Variants in PCDHGA7 observed in about 807,000 individuals in gnomAD.
PCDHGA7 encodes the protein protocadherin gamma-A7.
In PCDHGA7, 44 loss-of-function variants were observed where a neutral mutation model predicts 58.3. The observed-to-expected ratio is 0.75, with a 90% CI of 0.59 to 0.97. The LOEUF (loss-of-function observed/expected upper bound fraction) is 0.97. Among genes scored for constraint, PCDHGA7 ranks in the 50% least tolerant of loss-of-function variants. The probability of loss-of-function intolerance (pLI) is 0.00; values close to 1 mark genes in which losing one functional copy is unlikely to be tolerated. For missense variants in PCDHGA7, 1,266 were observed against 1,188.7 expected, an observed-to-expected ratio of 1.06 and a Z score of -0.96; for synonymous variants, 516 against 504.2, an observed-to-expected ratio of 1.02 and a Z score of -0.31.
chr5:141,431,163 A>G lies in PCDHGA7; in HGVS notation c.2424+45840A>G. On this transcript the variant is annotated intron_variant, in intron 1 of 3. Transcript: ENST00000518325. This position sits in a 1 kb window ranked among gnomAD's most constrained non-coding sequence, Gnocchi z 4.8. ...AACGACAATGCGCCTTACTTTCGTG[A>G]AAGTGAATTAGAAATAAAAATTAGT... 1 of 1,614,246 alleles carries G rather than the reference A, an allele frequency of 6.2e-7. No individual in the cohort carries two copies. Among genetic ancestry groups the G allele is most frequent in the Non-Finnish European group, 8.5e-7 (1 of 1,180,036 alleles).
intron 1 of PCDHGA7, 91 bp from the exon 2 acceptor site, chr5:141,494,716 C>T (rs1448674271): frequency 3.7e-6 from 6 of 1,604,970 alleles, no homozygotes; most frequent in East Asian, 4.5e-5. Flanking sequence ...TGCCCACTCC[C>T]CTCCTTCTCT....
At chr5:141,430,888 T>C (rs1447560622) in intron 1 of PCDHGA7, 5 of 1,605,402 alleles carry the variant, frequency 3.1e-6, no homozygotes, top group Admixed American at 1.7e-5. Context: ...AGAAAGGCTC[T>C]AGGGTGGGCG....
chr5:141,409,220 G>A (rs1327857530), intron 1 of PCDHGA7: 1 of 1,613,988 alleles, frequency 6.2e-7, no homozygotes, highest in Non-Finnish European at 8.5e-7. Context: ...AATCCTTGAT[G>A]AAAACGACAA....
In PCDHGA7 at chr5:141,511,358, G is replaced by GT; in HGVS notation, c.*187dup. 1 of 1,355,398 alleles carries GT rather than the reference G, an allele frequency of 7.4e-7. No homozygotes were observed. Among genetic ancestry groups the GT allele is most frequent in the South Asian group, 1.5e-5 (1 of 66,198 alleles). 84.0% of individuals were successfully genotyped at this position (1,355,398 alleles called of 1,614,324 possible). On this transcript the variant is annotated 3_prime_UTR_variant, in exon 4 of 4. Transcript: ENST00000518325. ...GCACCTACCCCTTCCCCCCCAGGGG[G>GT]TTGAATATGCAAAAGCAGTTCCGCT...
At chr5:141,402,162 A>T (rs2150923142) in intron 1 of PCDHGA7, among the ~76,000 whole-genome samples, 1 of 152,306 alleles carries the variant, frequency 6.6e-6, no homozygotes, top group East Asian at 1.9e-4. Context: ...TTAGGCGAGA[A>T]CATCTGTAAC....
At chr5:141,394,982 C>T (rs754667421) in intron 1 of PCDHGA7, 16 of 1,613,866 alleles carry the variant, frequency 9.9e-6, no homozygotes, top group Non-Finnish European at 1.3e-5. Context: ...ACAAGTCACG[C>T]CTGCTCCAGG....
At chr5:141,478,488 G>A in intron 1 of PCDHGA7, 1 of 1,613,320 alleles carries the variant, frequency 6.2e-7, no homozygotes, top group Non-Finnish European at 8.5e-7. Context: ...ACGCTGCGGA[G>A]CTGTGATCCG....
intron 1 of PCDHGA7, among the ~76,000 whole-genome samples, chr5:141,407,290 G>A (rs1025830566): frequency 3.3e-5 from 5 of 152,154 alleles, no homozygotes; most frequent in African/African-American, 1.2e-4. Context: ...TACAATTTCT[G>A]TTCTGAGGAG....
At position 141,477,577 on chromosome 5, in the gene PCDHGA7, G is replaced by T; in HGVS notation, c.2425-17230G>T. Reference sequence around the variant, plus strand: ...TAAGTGTCTGGGACCCCGACGCCCCGCAGAATGCTCGGCTTTCTTTCTTTC... The same window carrying T: ...TAAGTGTCTGGGACCCCGACGCCCCTCAGAATGCTCGGCTTTCTTTCTTTC... On this transcript the variant is annotated intron_variant, in intron 1 of 3. Transcript: ENST00000518325. The surrounding 1 kb of genome is among the most constrained non-coding windows in gnomAD (Gnocchi z 4.9). 1.2e-6 allele frequency: 2 copies of T among 1,614,124 alleles called. No homozygotes were observed. Among genetic ancestry groups the T allele is most frequent in the Non-Finnish European group, 1.7e-6 (2 of 1,180,020 alleles).
intron 1 of PCDHGA7, among the ~76,000 whole-genome samples, chr5:141,482,179 G>A (rs1398839482): frequency 6.6e-6 from 1 of 152,040 alleles, no homozygotes; most frequent in Non-Finnish European, 1.5e-5. Flanking sequence ...AAGGCTTTAC[G>A]ATGCTCCAGT....
intron 1 of PCDHGA7, among the ~76,000 whole-genome samples, chr5:141,452,476 C>T (rs968627914): frequency 6.6e-6 from 1 of 152,216 alleles, no homozygotes; most frequent in Admixed American, 6.5e-5. Context: ...AGGAAAAACA[C>T]ACATAAACAC....
At chr5:141,501,290 T>TACACACACAC (rs55762287) in intron 2 of PCDHGA7, among the ~76,000 whole-genome samples, 12 of 136,162 alleles carry the variant, frequency 8.8e-5, no homozygotes, top group Admixed American at 4.7e-4. Context: ...TATTCCCTTA[T>TACACACACAC]ACACACACAC....
chr5:141,454,142 C>T (rs2098782408), intron 1 of PCDHGA7, among the ~76,000 whole-genome samples: 1 of 152,222 alleles, frequency 6.6e-6, no homozygotes, highest in Non-Finnish European at 1.5e-5. Context: ...GGAATGTTCA[C>T]ACTGCTACTT....
At chr5:141,408,929 A>G in intron 1 of PCDHGA7, 1 of 1,613,518 alleles carries the variant, frequency 6.2e-7, no homozygotes, top group Non-Finnish European at 8.5e-7. Context: ...CCCGGTTTTC[A>G]GCAGAGACGA....
At chr5:141,427,733 C>T (rs2097062553) in intron 1 of PCDHGA7, 2 of 1,200,562 alleles carry the variant, frequency 1.7e-6, no homozygotes, top group East Asian at 4.7e-5. Context: ...GGCTGAATGG[C>T]CAAGTCTCCT....
chr5:141,383,695 G>T lies in PCDHGA7; in HGVS notation c.796G>T (p.Ala266Ser), dbSNP rs373055594. Residue 266 changes from alanine (A) to serine (S), a missense_variant, in exon 1 of 4, where the codon GCT becomes TCT. By Grantham distance (99) the Ala-to-Ser change is moderately conservative (BLOSUM62 1). Coordinates refer to ENST00000518325, the MANE Select transcript of PCDHGA7 (RefSeq NM_018920.4). ...PVGTRLLTVH[A>S]IDLDEGVNGE... ...GGGTACAAGACTGCTCACGGTACAT[G>T]CTATCGACCTGGACGAGGGAGTCAA... is the stretch of plus-strand genomic sequence containing the variant. 6.2e-7 allele frequency: 1 copy of T among 1,613,974 alleles called. No homozygotes were observed. The highest frequency in any genetic ancestry group is 8.5e-7 in the Non-Finnish European group (1 of 1,179,856).
At chr5:141,398,977 A>G (rs761532339) in intron 1 of PCDHGA7, 2 of 1,613,952 alleles carry the variant, frequency 1.2e-6, no homozygotes, top group Non-Finnish European at 1.7e-6. Context: ...CTTCTACAGA[A>G]CCGGGCAAAT....
rs2099730037 is a variant in PCDHGA7 at position 141,491,783 on chromosome 5, A to G, written c.2425-3024A>G. The G allele has an allele frequency of 1.3e-6, 2 of 1,539,618 alleles. No homozygotes were observed. The highest frequency in any genetic ancestry group is 2.2e-5 in the Admixed American group (1 of 46,412). On this transcript the variant is annotated intron_variant, in intron 1 of 3. Transcript: ENST00000518325. The surrounding 1 kb of genome is among the most constrained non-coding windows in gnomAD (Gnocchi z 6.9). ...CGTCCTCATAAGGGATTGAACTTGC[A>G]TCCACTCCTCTCCGGCCGGCTTGGT...
chr5:141,433,914 C>A (rs2097664630), intron 1 of PCDHGA7, among the ~76,000 whole-genome samples: 1 of 151,702 alleles, frequency 6.6e-6, no homozygotes, highest in Admixed American at 6.6e-5. Context: ...TTACAATCAC[C>A]TCCAAATGAA....
Sources: allele counts gnomAD v4.1 joint callset (sites outside exome capture counted in the v4.1 genomes callset), GRCh38; gene constraint gnomAD v4.1.1; non-coding constraint Gnocchi (gnomAD v3.1); transcripts MANE v1.5; gene names NCBI Gene and HGNC (gene_info 2026-07-23, HGNC 2026-07-21).